The following SND1 variants were observed in gnomAD, a reference collection of about 807,000 sequenced individuals.
SND1 encodes staphylococcal nuclease domain-containing protein 1.
Under a neutral mutation model 121.7 loss-of-function variants are expected in SND1, and 38 were observed. That is an observed-to-expected ratio of 0.31 (90% confidence interval 0.24 to 0.41). The LOEUF is 0.41. Ranked by LOEUF, SND1 falls within the 10% of genes least tolerant of loss-of-function variation. The pLI, the probability that SND1 is intolerant of heterozygous loss-of-function variation, is 1.00. For synonymous variants in SND1, 401 were observed against 447.4 expected (o/e 0.90, Z 1.31); for missense variants, 868 against 1,184.6 (o/e 0.73, Z 3.92).
intron 15 of SND1, among the ~76,000 whole-genome samples, chr7:127,940,320 T>C (rs1370793249): frequency 3.3e-5 from 5 of 152,102 alleles, no homozygotes; most frequent in African/African-American, 1.2e-4. Flanking sequence ...TTCAACACTA[T>C]CTTGTCAACC....
At chr7:127,929,118 C>A in intron 14 of SND1, 70 bp from the exon 15 acceptor site, 1 of 1,533,822 alleles carries the variant, frequency 6.5e-7, no homozygotes, top group Non-Finnish European at 8.9e-7. Context: ...ACTTTTTGTC[C>A]TAGACTATAA....
chr7:127,872,540 T>C (rs1253886391), intron 12 of SND1, among the ~76,000 whole-genome samples: 2 of 152,226 alleles, frequency 1.3e-5, no homozygotes, highest in East Asian at 3.9e-4. Flanking sequence ...TCTTCACCTA[T>C]TTTTTATAAT....
chr7:127,970,393 A>G (rs759316467), intron 15 of SND1, among the ~76,000 whole-genome samples: 1 of 152,336 alleles, frequency 6.6e-6, no homozygotes, highest in East Asian at 1.9e-4. Context: ...CGTCCTCTGT[A>G]AAAATAAGGA....
chr7:127,733,206 T>C lies in SND1; in HGVS notation c.1152+11806T>C, dbSNP rs573329652. Among the ~76,000 whole-genome samples, 10 of 152,324 alleles carry C rather than the reference T, an allele frequency of 6.6e-5. No individual in the cohort carries two copies. The South Asian group carries it at 1.9e-3, about 28-fold the overall frequency. The stretch of plus-strand genomic sequence containing the variant: ...AGTTTTATTTCCCCTTTTCTCCCTT[T>C]ACCTTAAGTCCACATTGACTCTATT... On this transcript the variant is annotated intron_variant, in intron 10 of 23. Transcript: ENST00000354725.
At chr7:127,963,508 G>T (rs1801784471) in intron 15 of SND1, among the ~76,000 whole-genome samples, 2 of 114,596 alleles carry the variant, frequency 1.7e-5, no homozygotes, top group African/African-American at 6.9e-5. Context: ...GCGGTGTTTG[G>T]TTTTTTGTTC....
At chr7:127,790,729 G>A (rs1244250232) in intron 10 of SND1, among the ~76,000 whole-genome samples, 4 of 152,164 alleles carry the variant, frequency 2.6e-5, no homozygotes, top group Non-Finnish European at 4.4e-5. Context: ...TGGGTTAGAT[G>A]TATTACGAGA....
At chr7:127,728,314 C>T (rs912319692) in intron 10 of SND1, among the ~76,000 whole-genome samples, 1 of 152,146 alleles carries the variant, frequency 6.6e-6, no homozygotes, top group Admixed American at 6.5e-5. Flanking sequence ...CCATATCTCT[C>T]TCTTCCTTTA....
intron 15 of SND1, among the ~76,000 whole-genome samples, chr7:127,976,237 C>A (rs1802117745): frequency 1.3e-5 from 2 of 152,250 alleles, no homozygotes; most frequent in Non-Finnish European, 2.9e-5. Context: ...CTGCCCCACC[C>A]TTATTAGAAA....
chr7:127,916,666 T>G (rs780974789), intron 14 of SND1, among the ~76,000 whole-genome samples: 1 of 152,150 alleles, frequency 6.6e-6, no homozygotes, highest in Non-Finnish European at 1.5e-5. Context: ...CAGGTGAGTA[T>G]AATGTACAAA....
intron 11 of SND1, among the ~76,000 whole-genome samples, chr7:127,831,195 G>T (rs962076265): frequency 6.6e-6 from 1 of 152,200 alleles, no homozygotes; most frequent in Admixed American, 6.5e-5. Context: ...GGATCAGAGG[G>T]CACAAGGGGG....
At chr7:127,746,238 A>G (rs1177676395) in intron 10 of SND1, among the ~76,000 whole-genome samples, 7 of 152,192 alleles carry the variant, frequency 4.6e-5, no homozygotes, top group South Asian at 2.1e-4. Context: ...AGTATGATAC[A>G]TTGTAATTTT....
chr7:128,004,794 T>C (rs1362761366), intron 16 of SND1, among the ~76,000 whole-genome samples: 1 of 152,242 alleles, frequency 6.6e-6, no homozygotes, highest in East Asian at 1.9e-4. Flanking sequence ...CGTATTTACA[T>C]AGAGTTTGCA....
chr7:127,958,152 T>C (rs1327184263), intron 15 of SND1, among the ~76,000 whole-genome samples: 1 of 152,224 alleles, frequency 6.6e-6, no homozygotes, highest in Non-Finnish European at 1.5e-5. Context: ...CTAAGTAGTA[T>C]AGGGCCAACC....
Position 127,824,203 on chromosome 7 carries a change from A to G in SND1, c.1242+16630A>G, listed in dbSNP as rs528961319. 2.6e-5 allele frequency among the ~76,000 whole-genome samples: 4 copies of G among 152,364 alleles called. No individual in the cohort carries two copies. In the South Asian group the frequency reaches 6.2e-4, roughly 24 times the overall value. ...TAATACCCCTTTCAAAATTAAGTGC[A>G]TATTGACTGCACTAGGTGATAGAAA... On this transcript the variant is annotated intron_variant, in intron 11 of 23. Coordinates refer to ENST00000354725, the MANE Select transcript of SND1 (RefSeq NM_014390.4).
intron 17 of SND1, among the ~76,000 whole-genome samples, chr7:128,079,655 G>A (rs59896746): frequency 0.019 from 2,866 of 152,344 alleles, 104 homozygotes; most frequent in African/African-American, 0.065. Context: ...CGCTCAGGCC[G>A]CGTTAAAGGC....
chr7:128,053,378 C>A (rs1423810288), intron 16 of SND1, among the ~76,000 whole-genome samples: 1 of 152,152 alleles, frequency 6.6e-6, no homozygotes, highest in African/African-American at 2.4e-5. Flanking sequence ...TGGAGAATTG[C>A]CCTGTTCCAG....
At chr7:127,966,547 T>A (rs1366627989) in intron 15 of SND1, among the ~76,000 whole-genome samples, 1 of 78,678 alleles carries the variant, frequency 1.3e-5, no homozygotes, top group Non-Finnish European at 2.4e-5. Context: ...GGATTAAGAA[T>A]CTCACTCAAA....
At chr7:127,771,430 T>C (rs978316188) in intron 10 of SND1, among the ~76,000 whole-genome samples, 2 of 152,178 alleles carry the variant, frequency 1.3e-5, no homozygotes, top group African/African-American at 2.4e-5. Context: ...TCTTAACTCA[T>C]TGAGGTCTAC....
chr7:127,918,587 T>A (rs190488225), intron 14 of SND1, among the ~76,000 whole-genome samples: 1 of 152,214 alleles, frequency 6.6e-6, no homozygotes, highest in African/African-American at 2.4e-5. Context: ...CTTACTGTGT[T>A]ATTCTTAACT....
Sources: allele counts gnomAD v4.1 joint callset (sites outside exome capture counted in the v4.1 genomes callset), GRCh38; gene constraint gnomAD v4.1.1; transcripts MANE v1.5; gene names NCBI Gene and HGNC (gene_info 2026-07-23, HGNC 2026-07-21).